The following CTSC variants were observed in gnomAD, a reference collection of about 807,000 sequenced individuals.
CTSC encodes the protein cathepsin C.
Under a neutral mutation model 40.9 loss-of-function variants are expected in CTSC, and 37 were observed. The ratio of observed to expected loss-of-function variants is 0.91; its 90% CI spans 0.70 to 1.19. The LOEUF is 1.19. CTSC is among the 50% of genes most tolerant of loss of function. CTSC has a pLI of 0.00. For synonymous variants in CTSC, 232 were observed against 207.4 expected (o/e 1.12, Z -1.02); for missense variants, 594 against 567.3 (o/e 1.05, Z -0.48).
At chr11:88,337,394 C>A (rs1591249475) in intron 1 of CTSC, 107 bp downstream of exon 1, 5 of 1,161,448 alleles carry the variant, frequency 4.3e-6, no homozygotes, top group Non-Finnish European at 1.3e-6. Flanking sequence ...GATGCTCTGG[C>A]CACCCACAAG....
chr11:88,336,770 T>C (rs1221505003), intron 1 of CTSC, among the ~76,000 whole-genome samples: 1 of 152,086 alleles, frequency 6.6e-6, no homozygotes, highest in African/African-American at 2.4e-5. Flanking sequence ...CCCCCTTCAC[T>C]AGGTTCTTTG....
At chr11:88,324,683 T>C (rs1424193148) in intron 2 of CTSC, 2 of 985,006 alleles carry the variant, frequency 2.0e-6, no homozygotes, top group Non-Finnish European at 2.4e-6. Flanking sequence ...ATCACTCCAT[T>C]ACAGCATGGC....
chr11:88,326,954 A>G (rs1938210695), intron 2 of CTSC, among the ~76,000 whole-genome samples: 1 of 152,170 alleles, frequency 6.6e-6, no homozygotes, highest in Non-Finnish European at 1.5e-5. Context: ...TATTTTGAGA[A>G]CAGCTTATTT....
chr11:88,311,132 T>A (rs1937746212), intron 3 of CTSC, among the ~76,000 whole-genome samples: 1 of 152,160 alleles, frequency 6.6e-6, no homozygotes, highest in Non-Finnish European at 1.5e-5. Flanking sequence ...GCAATGTAGG[T>A]TCTGAGCACT....
rs773993931 is a variant in CTSC, at chr11:88,294,141, C to T, written c.1257G>A (p.Gly419=). 16 of 1,613,852 alleles carry T rather than the reference C, an allele frequency of 9.9e-6. No homozygotes were observed. In the African/African-American group the frequency reaches 1.9e-4, roughly 19 times the overall value. Reference sequence around the variant, plus strand: ...TGTTTTTAACAATCCAGTAATCCATCCCAGAGGCTGAGTCAGTGCCATAGC... The same window carrying T: ...TGTTTTTAACAATCCAGTAATCCATTCCAGAGGCTGAGTCAGTGCCATAGC... ...LVGYGTDSAS[G]MDYWIVKNSW... Residue 419 remains glycine, a synonymous_variant, in exon 7 of 7, where the codon GGG becomes GGA. Transcript: ENST00000227266.
chr11:88,329,340 G>A (rs753888757), intron 2 of CTSC, among the ~76,000 whole-genome samples: 1 of 151,538 alleles, frequency 6.6e-6, no homozygotes, highest in Non-Finnish European at 1.5e-5. Flanking sequence ...AAATTAGCTG[G>A]GCGTGATGGC....
At chr11:88,299,863 T>C (rs1944339039) in intron 5 of CTSC, 6 of 152,264 alleles carry the variant, frequency 3.9e-5, no homozygotes, top group Admixed American at 3.9e-4. Flanking sequence ...TAATTTGCTA[T>C]CAAGTGCAGT....
At chr11:88,324,597 T>C (rs1938124318) in intron 2 of CTSC, 2 of 984,652 alleles carry the variant, frequency 2.0e-6, no homozygotes, top group Non-Finnish European at 2.4e-6. Context: ...CAAAGTTCTA[T>C]GTGCATTAGG....
intron 5 of CTSC, chr11:88,296,505 T>G: frequency 2.3e-6 from 1 of 438,638 alleles, no homozygotes; most frequent in Non-Finnish European, 4.2e-6. Context: ...TTGAGAATAT[T>G]TTAGAAACTA....
At chr11:88,294,664 G>A (rs1944279139) in intron 6 of CTSC, among the ~76,000 whole-genome samples, 156 bp from the exon 7 acceptor site, 1 of 152,128 alleles carries the variant, frequency 6.6e-6, no homozygotes, top group South Asian at 2.1e-4. Flanking sequence ...TTTCCAACTA[G>A]CTAACTATCC....
chr11:88,305,054 C>T lies in CTSC; in HGVS notation c.641+4109G>A, dbSNP rs116861575. ...CAGAGGTTGCAGTGAGCCAAGATTG[C>T]TTTACCGCACTCCAGCCTGGACAAC... On this transcript the variant is annotated intron_variant, in intron 4 of 6. Transcript: ENST00000227266. 7.6e-3 allele frequency among the ~76,000 whole-genome samples: 1,153 copies of T among 150,822 alleles called. 9 individuals are homozygous for T. Among genetic ancestry groups the T allele is most frequent in the Non-Finnish European group, 0.012 (795 of 67,890 alleles).
At chr11:88,311,218 T>C (rs1171065180) in intron 3 of CTSC, among the ~76,000 whole-genome samples, 1 of 152,202 alleles carries the variant, frequency 6.6e-6, no homozygotes, top group Non-Finnish European at 1.5e-5. Flanking sequence ...TAGCATATCC[T>C]AAATGATAGG....
At chr11:88,332,395 G>C (rs921431754) in intron 2 of CTSC, among the ~76,000 whole-genome samples, 1 of 152,116 alleles carries the variant, frequency 6.6e-6, no homozygotes, top group African/African-American at 2.4e-5. Context: ...CCAGCTGCAG[G>C]AAATACCCTG....
chr11:88,312,845 T>C (rs1440224650), intron 2 of CTSC, among the ~76,000 whole-genome samples: 1 of 152,172 alleles, frequency 6.6e-6, no homozygotes, highest in Non-Finnish European at 1.5e-5. Context: ...ATCTGGCATA[T>C]TCAAGGCATT....
intron 4 of CTSC, among the ~76,000 whole-genome samples, chr11:88,306,827 T>C (rs1937644113): frequency 6.6e-6 from 1 of 152,192 alleles, no homozygotes; most frequent in African/African-American, 2.4e-5. Flanking sequence ...ACACAAGCCA[T>C]CTGCAGACGG....
intron 4 of CTSC, among the ~76,000 whole-genome samples, chr11:88,306,858 G>T (rs1172382182): frequency 6.6e-6 from 1 of 152,218 alleles, no homozygotes; most frequent in Admixed American, 6.5e-5. Flanking sequence ...AGAGCACACT[G>T]TAACACATGC....
At chr11:88,326,324 G>C (rs1938185785) in intron 2 of CTSC, 1 of 1,613,388 alleles carries the variant, frequency 6.2e-7, no homozygotes, top group Non-Finnish European at 8.5e-7. Flanking sequence ...GCTGCTAGAG[G>C]CCTTTGCTAG....
intron 2 of CTSC, chr11:88,324,660 A>G (rs1401799401): frequency 2.0e-5 from 20 of 984,774 alleles, no homozygotes; most frequent in Non-Finnish European, 2.4e-5. Flanking sequence ...AAGAGATGAA[A>G]ACATGCTACC....
At chr11:88,332,345 T>C (rs1354776520) in intron 2 of CTSC, among the ~76,000 whole-genome samples, 1 of 152,226 alleles carries the variant, frequency 6.6e-6, no homozygotes, top group East Asian at 1.9e-4. Context: ...CATGGGCTTG[T>C]GTTTTCCTTG....
Sources: gnomAD v4.1 joint callset for allele counts (sites outside exome capture counted in the v4.1 genomes callset) on GRCh38, gnomAD v4.1.1 for gene constraint, MANE v1.5 for transcripts, NCBI Gene and HGNC (gene_info 2026-07-23, HGNC 2026-07-21) for gene names.